BTBD9: variants seen among roughly 807,000 people sequenced by gnomAD.
BTBD9 encodes the protein BTB/POZ domain-containing protein 9.
A neutral mutation model predicts 64.3 loss-of-function variants in BTBD9; 49 were observed. That is an observed-to-expected ratio of 0.76 (90% CI 0.61 to 0.97). The LOEUF is 0.97. Among genes scored for constraint, BTBD9 ranks in the 50% least tolerant of loss-of-function variants. The pLI, the probability that BTBD9 is intolerant of heterozygous loss-of-function variation, is 0.00. For synonymous variants in BTBD9, 260 were observed against 274.7 expected (o/e 0.95, Z 0.53); for missense variants, 598 against 762.1 (o/e 0.78, Z 2.53).
intron 6 of BTBD9, among the ~76,000 whole-genome samples, chr6:38,396,763 T>C (rs993483579): frequency 4.6e-5 from 7 of 152,188 alleles, no homozygotes; most frequent in African/African-American, 1.7e-4. Flanking sequence ...ACACACTGGA[T>C]TTTGAAGACT....
rs1772422967 is a variant in BTBD9 at position 38,505,365 on chromosome 6, C to T, written c.1154+72235G>A. On this transcript the variant is annotated intron_variant, in intron 6 of 10. Transcript: ENST00000481247. ...GGAGGCCAGGTGCGGTGGCTCACACCTGTCATCCCAGCACTTTGGGAGGCC... is the reference window on the plus strand; with the variant it reads ...GGAGGCCAGGTGCGGTGGCTCACACTTGTCATCCCAGCACTTTGGGAGGCC... 2.0e-5 allele frequency among the ~76,000 whole-genome samples: 3 copies of T among 152,304 alleles called. No individual in the cohort carries two copies. In the South Asian group the frequency reaches 6.2e-4, roughly 32 times the overall value.
rs981329083 is a variant in BTBD9 at position 38,179,588 on chromosome 6, C to T, written c.1642-4406G>A. On this transcript the variant is annotated intron_variant, in intron 10 of 10. Transcript: ENST00000481247. ...GGTGCGCCCACAGCGCAGCTCCTGC[C>T]CTCAGGACCTCTCAGGCAGTTGGGG... 8 of 456,612 alleles carry T rather than the reference C, an allele frequency of 1.8e-5. No individual in the cohort carries two copies. In the East Asian group the frequency reaches 5.6e-4, roughly 32 times the overall value. 28.3% of individuals were successfully genotyped at this position (456,612 alleles called of 1,614,324 possible). A position where few individuals can be genotyped will look rare whatever the true frequency, so the allele number is the denominator to read the frequency against.
intron 6 of BTBD9, among the ~76,000 whole-genome samples, chr6:38,403,882 G>C (rs1767055494): frequency 1.3e-5 from 2 of 152,104 alleles, no homozygotes; most frequent in South Asian, 2.1e-4. Flanking sequence ...TCATACAATG[G>C]AACATTATTC....
intron 6 of BTBD9, among the ~76,000 whole-genome samples, chr6:38,537,626 T>G (rs1007445706): frequency 1.3e-5 from 2 of 152,272 alleles, no homozygotes; most frequent in East Asian, 3.9e-4. Flanking sequence ...GGCTCCAAGG[T>G]ATTGACAATA....
chr6:38,578,043 T>C (rs1776131379), intron 5 of BTBD9, among the ~76,000 whole-genome samples: 3 of 152,146 alleles, frequency 2.0e-5, no homozygotes, highest in South Asian at 2.1e-4. Context: ...TTTTCAAACA[T>C]GGTCAGGATG....
intron 8 of BTBD9, among the ~76,000 whole-genome samples, chr6:38,261,342 A>G (rs1450688690): frequency 6.6e-6 from 1 of 152,210 alleles, no homozygotes; most frequent in African/African-American, 2.4e-5. Context: ...GCTTTGATGT[A>G]TATCATAAAA....
At chr6:38,505,964 C>CAACAAAAAAAAAAAAAAAAAAAAA (rs1175511241) in intron 6 of BTBD9, among the ~76,000 whole-genome samples, 2 of 82,656 alleles carry the variant, frequency 2.4e-5, no homozygotes, top group African/African-American at 8.2e-5. Flanking sequence ...TCCGTCTCAA[C>CAACAAAAAAAAAAAAAAAAAAAAA]AAAAAAAAAA....
At chr6:38,485,846 G>A (rs1406955748) in intron 6 of BTBD9, among the ~76,000 whole-genome samples, 1 of 152,194 alleles carries the variant, frequency 6.6e-6, no homozygotes, top group African/African-American at 2.4e-5. Flanking sequence ...AAGCCAGGCA[G>A]TGACTTCTCC....
chr6:38,481,755 G>A (rs1227270163), intron 6 of BTBD9: 1 of 152,250 alleles, frequency 6.6e-6, no homozygotes, highest in Non-Finnish European at 1.5e-5. Context: ...CAACAGCAGT[G>A]ACCTAGGGTC....
At chr6:38,598,250 G>A (rs1456614074) in intron 1 of BTBD9, 129 bp from the exon 2 acceptor site, 20 of 652,606 alleles carry the variant, frequency 3.1e-5, no homozygotes, top group Non-Finnish European at 4.6e-5. Context: ...GTTAATCAAT[G>A]GTATCCTTAT....
chr6:38,171,103 T>G lies in BTBD9; in HGVS notation c.*3882A>C, dbSNP rs1766738880. On this transcript the variant is annotated 3_prime_UTR_variant, in exon 11 of 11. Coordinates refer to ENST00000481247, the MANE Select transcript of BTBD9 (RefSeq NM_001099272.2). ...TCTCTTTATCACCAAGTGGCCTCAG[T>G]ACACAGAACGCTCGCTTTTTATTGT... 6.6e-6 allele frequency: 1 copy of G among 152,248 alleles called. No individual in the cohort carries two copies. Among genetic ancestry groups the G allele is most frequent in the Admixed American group, 6.5e-5 (1 of 15,290 alleles). The allele number at this position is 152,248 out of a possible 1,614,324, so 9.4% of individuals were successfully genotyped here. A position where few individuals can be genotyped will look rare whatever the true frequency, so the allele number is the denominator to read the frequency against.
intron 7 of BTBD9, among the ~76,000 whole-genome samples, chr6:38,337,993 G>T (rs1319127616): frequency 6.6e-6 from 1 of 152,190 alleles, no homozygotes; most frequent in Non-Finnish European, 1.5e-5. Flanking sequence ...TTTCTGTTCA[G>T]ATAGCACAGT....
chr6:38,375,953 AAG>A lies in BTBD9; in HGVS notation c.1155-30862_1155-30861del, dbSNP rs1491118639. ...AAAGAAAGAAAGAAGGAAAGAAGGA[AAG>A]AAAGAAAGAAAAAACGTGTAGGCAT... On this transcript the variant is annotated intron_variant, in intron 6 of 10. Coordinates refer to ENST00000481247, the MANE Select transcript of BTBD9 (RefSeq NM_001099272.2). Among the ~76,000 whole-genome samples the A allele has an allele frequency of 4.1e-3, 608 of 149,020 alleles. 8 individuals carry two copies. The highest frequency in any genetic ancestry group is 0.014 in the African/African-American group (565 of 40,064).
intron 6 of BTBD9, among the ~76,000 whole-genome samples, chr6:38,547,152 A>G (rs534181810): frequency 6.6e-6 from 1 of 152,166 alleles, no homozygotes; most frequent in Non-Finnish European, 1.5e-5. Flanking sequence ...TCCCTGAAAC[A>G]TGACAATATT....
intron 7 of BTBD9, among the ~76,000 whole-genome samples, chr6:38,290,963 T>C (rs1437341408): frequency 6.6e-6 from 1 of 152,230 alleles, no homozygotes; most frequent in African/African-American, 2.4e-5. Context: ...TTCTAAGATT[T>C]ATATATCTAT....
chr6:38,422,061 T>C (rs918861145), intron 6 of BTBD9, among the ~76,000 whole-genome samples: 1 of 152,186 alleles, frequency 6.6e-6, no homozygotes, highest in Non-Finnish European at 1.5e-5. Flanking sequence ...TAAACCTCCG[T>C]ACAAAGTTAA....
chr6:38,290,046 T>C (rs1471827311), intron 7 of BTBD9, among the ~76,000 whole-genome samples: 1 of 151,730 alleles, frequency 6.6e-6, no homozygotes. Flanking sequence ...ATATCTTCTA[T>C]GCAACTCATT....
intron 6 of BTBD9, among the ~76,000 whole-genome samples, chr6:38,560,446 C>T (rs1426955767): frequency 6.6e-6 from 1 of 152,044 alleles, no homozygotes; most frequent in Non-Finnish European, 1.5e-5. Context: ...TGTATATATG[C>T]AAAATCAAAA....
At chr6:38,500,517 T>G (rs953211261) in intron 6 of BTBD9, among the ~76,000 whole-genome samples, 1 of 152,218 alleles carries the variant, frequency 6.6e-6, no homozygotes, top group Non-Finnish European at 1.5e-5. Flanking sequence ...ATTTAATTTC[T>G]CACTCCTCCC....
Sources: allele counts gnomAD v4.1 joint callset (sites outside exome capture counted in the v4.1 genomes callset), GRCh38; gene constraint gnomAD v4.1.1; transcripts MANE v1.5; gene names NCBI Gene and HGNC (gene_info 2026-07-23, HGNC 2026-07-21).